Variants in AGO3 observed in about 807,000 individuals in gnomAD.
The protein encoded by AGO3 is argonaute RISC catalytic component 3.
AGO3 carries 16 observed loss-of-function variants against 105.5 expected under a neutral mutation model. The observed-to-expected ratio is 0.15, with a 90% confidence interval of 0.10 to 0.23. The LOEUF (loss-of-function observed/expected upper bound fraction) is 0.23. AGO3 is among the 10% of genes least tolerant of loss of function. AGO3 has a pLI of 1.00. For synonymous variants in AGO3, 340 were observed against 367.3 expected, an observed-to-expected ratio of 0.93 and a Z score of 0.85; for missense variants, 534 against 1,088.0, an observed-to-expected ratio of 0.49 and a Z score of 7.16.
At chr1:35,995,267 T>G (rs1418978215) in intron 5 of AGO3, among the ~76,000 whole-genome samples, 2 of 149,210 alleles carry the variant, frequency 1.3e-5, no homozygotes, top group Non-Finnish European at 3.0e-5. Context: ...GATTCTAAGA[T>G]TTATATGCTG....
At chr1:35,980,577 T>C (rs1378647424) in intron 5 of AGO3, among the ~76,000 whole-genome samples, 1 of 152,252 alleles carries the variant, frequency 6.6e-6, no homozygotes, top group Non-Finnish European at 1.5e-5. Context: ...CTGAGTTATC[T>C]GTAGCCTTAT....
At chr1:35,984,697 C>T (rs575443052) in intron 5 of AGO3, 3 of 152,302 alleles carry the variant, frequency 2.0e-5, no homozygotes, top group African/African-American at 7.2e-5. Context: ...CACCAGTGTA[C>T]CCTCTATGCC....
intron 11 of AGO3, among the ~76,000 whole-genome samples, chr1:36,015,475 C>T (rs940573904): frequency 8.5e-5 from 13 of 152,176 alleles, no homozygotes; most frequent in African/African-American, 3.1e-4. Context: ...CCTTTCGCCT[C>T]CTTGGAGGTT....
chr1:36,003,713 T>A (rs200038364), intron 5 of AGO3, among the ~76,000 whole-genome samples: 10,913 of 88,946 alleles, frequency 0.12, 627 homozygotes, highest in African/African-American at 0.2. Context: ...AAAAAAAATA[T>A]ATATATATAT....
At chr1:35,984,204 C>T (rs1328644592) in intron 5 of AGO3, among the ~76,000 whole-genome samples, 2 of 152,138 alleles carry the variant, frequency 1.3e-5, no homozygotes, top group Admixed American at 6.5e-5. Flanking sequence ...CACAGGGGCT[C>T]ACGCCTGTAG....
rs781381732 is a variant in AGO3 at position 36,034,039 on chromosome 1, TGTATTGGC to T, written c.1592-134_1592-127del. ...AATTTTAACAGCATCGCCTTAGTAC[TGTATTGGC>T]ATAATTTTTGGTATCCTGTAATACA... is the stretch of plus-strand genomic sequence containing the variant. On this transcript the variant is annotated intron_variant, in intron 12 of 18. Coordinates refer to ENST00000373191, the MANE Select transcript of AGO3 (RefSeq NM_024852.4). The T allele has an allele frequency of 1.5e-4, 112 of 739,636 alleles. 1 individual carries two copies. The highest frequency in any genetic ancestry group is 2.1e-4 in the Non-Finnish European group (108 of 511,912). The allele number at this position is 739,636 out of a possible 1,614,324, so 45.8% of individuals were successfully genotyped here. A position where few individuals can be genotyped will look rare whatever the true frequency, so the allele number is the denominator to read the frequency against.
At chr1:36,046,086 T>G (rs1214467302) in intron 17 of AGO3, among the ~76,000 whole-genome samples, 2 of 152,168 alleles carry the variant, frequency 1.3e-5, no homozygotes, top group African/African-American at 4.8e-5. Context: ...ACACCTACAC[T>G]GGGGTCCCCA....
At position 36,068,679 on chromosome 1, in the gene AGO3, TA is replaced by T. The variant is rs1441927991; in HGVS notation, c.*12940del. 6.6e-6 allele frequency: 1 copy of T among 152,228 alleles called. No homozygotes were observed. Among genetic ancestry groups the T allele is most frequent in the African/African-American group, 2.4e-5 (1 of 41,468 alleles). The allele number at this position is 152,228 out of a possible 1,614,324, so 9.4% of individuals were successfully genotyped here. On this transcript the variant is annotated 3_prime_UTR_variant, in exon 19 of 19. Transcript: ENST00000373191. Reference sequence around the variant, plus strand: ...TCTGATACATGGCTTCTAAAATATGTAAAAAATTATATTGAATGAATTAATA... The same window carrying T: ...TCTGATACATGGCTTCTAAAATATGTAAAAATTATATTGAATGAATTAATA...
chr1:35,989,224 C>T (rs1647386351), intron 5 of AGO3, among the ~76,000 whole-genome samples: 1 of 152,154 alleles, frequency 6.6e-6, no homozygotes. Context: ...TGGAAGAGTA[C>T]TCTAAGAAAG....
intron 1 of AGO3, among the ~76,000 whole-genome samples, chr1:35,934,798 GCA>G (rs1057504657): frequency 5.9e-5 from 9 of 151,850 alleles, no homozygotes; most frequent in Admixed American, 4.6e-4. Flanking sequence ...TTACAGGCGC[GCA>G]CCACCATGCC....
At chr1:36,000,856 TA>T (rs1640051142) in intron 5 of AGO3, among the ~76,000 whole-genome samples, 1 of 151,946 alleles carries the variant, frequency 6.6e-6, no homozygotes, top group South Asian at 2.1e-4. Flanking sequence ...CTTTTTTTTT[TA>T]ATTAGTTAGA....
chr1:36,007,488 G>A (rs964437717), intron 6 of AGO3, among the ~76,000 whole-genome samples: 2 of 152,118 alleles, frequency 1.3e-5, no homozygotes, highest in Non-Finnish European at 2.9e-5. Context: ...CCTGAGGTCT[G>A]GAGTTCAAGA....
Position 35,931,393 on chromosome 1 carries a change from G to T in AGO3, c.-34G>T. On this transcript the variant is annotated 5_prime_UTR_variant, in exon 1 of 19. Coordinates refer to ENST00000373191, the MANE Select transcript of AGO3 (RefSeq NM_024852.4). ...CTCCTTGCCGCCAGTGGCGGGCTCC[G>T]TTCTCCCTCGAAGCACTCCCCCCAG... The T allele has an allele frequency of 7.1e-7, 1 of 1,411,868 alleles. No individual in the cohort carries two copies. Among genetic ancestry groups the T allele is most frequent in the Non-Finnish European group, 9.3e-7 (1 of 1,077,926 alleles). 87.5% of individuals were successfully genotyped at this position (1,411,868 alleles called of 1,614,324 possible). A position where few individuals can be genotyped will look rare whatever the true frequency, so the allele number is the denominator to read the frequency against.
rs1643010899 is a variant in AGO3 at position 36,060,020 on chromosome 1, AC to A, written c.*4276del. ...ATCTTCTAACAAGTTTCTTGGAAAA[AC>A]TATCATTCTAAGGGAAATCCCTGTT... On this transcript the variant is annotated 3_prime_UTR_variant, in exon 19 of 19. Transcript: ENST00000373191. 6.6e-6 allele frequency: 1 copy of A among 152,116 alleles called. No individual in the cohort carries two copies. Among genetic ancestry groups the A allele is most frequent in the Non-Finnish European group, 1.5e-5 (1 of 68,010 alleles). 9.4% of individuals were successfully genotyped at this position (152,116 alleles called of 1,614,324 possible). A position where few individuals can be genotyped will look rare whatever the true frequency, so the allele number is the denominator to read the frequency against.
At chr1:35,991,833 C>T (rs1327137819) in intron 5 of AGO3, among the ~76,000 whole-genome samples, 2 of 151,998 alleles carry the variant, frequency 1.3e-5, no homozygotes, top group Non-Finnish European at 2.9e-5. Context: ...CCTGTACATG[C>T]TTATGCTTCC....
intron 5 of AGO3, among the ~76,000 whole-genome samples, chr1:35,976,663 A>G (rs1002005723): frequency 4.6e-5 from 7 of 152,304 alleles, no homozygotes; most frequent in African/African-American, 1.4e-4. Context: ...AAATTTTGTC[A>G]GATGCCTTTT....
Position 36,058,312 on chromosome 1 carries a change from C to T in AGO3, c.*2567C>T, listed in dbSNP as rs980598570. 1.3e-5 allele frequency: 2 copies of T among 151,950 alleles called. No homozygotes were observed. Among genetic ancestry groups the T allele is most frequent in the Non-Finnish European group, 2.9e-5 (2 of 67,992 alleles). 9.4% of individuals were successfully genotyped at this position (151,950 alleles called of 1,614,324 possible). Reference sequence around the variant, plus strand: ...CACTGAAACGTGGGAAATTGTTTTACAAAACTTTTATTGATTACACTTTAA... The same window carrying T: ...CACTGAAACGTGGGAAATTGTTTTATAAAACTTTTATTGATTACACTTTAA... On this transcript the variant is annotated 3_prime_UTR_variant, in exon 19 of 19. Coordinates refer to ENST00000373191, the MANE Select transcript of AGO3 (RefSeq NM_024852.4).
chr1:36,060,553 A>G lies in AGO3; in HGVS notation c.*4808A>G, dbSNP rs1643015833. ...AAGCAAACGACTTCGATACAGCTAG[A>G]ATATGTTGCAGTCTTCCTATTTCAA... On this transcript the variant is annotated 3_prime_UTR_variant, in exon 19 of 19. Coordinates refer to ENST00000373191, the MANE Select transcript of AGO3 (RefSeq NM_024852.4). The G allele has an allele frequency of 6.6e-6, 1 of 152,234 alleles. No homozygotes were observed. The highest frequency in any genetic ancestry group is 1.5e-5 in the Non-Finnish European group (1 of 68,036). 9.4% of individuals were successfully genotyped at this position (152,234 alleles called of 1,614,324 possible).
At chr1:35,966,518 C>G (rs944682239) in intron 2 of AGO3, among the ~76,000 whole-genome samples, 7 of 152,168 alleles carry the variant, frequency 4.6e-5, no homozygotes, top group East Asian at 3.9e-4. Flanking sequence ...TCAGGAGGCT[C>G]ACAGTTAGAA....
Sources: allele counts gnomAD v4.1 joint callset (sites outside exome capture counted in the v4.1 genomes callset), GRCh38; gene constraint gnomAD v4.1.1; transcripts MANE v1.5; gene names NCBI Gene and HGNC (gene_info 2026-07-23, HGNC 2026-07-21).